Variants in BMP2K observed in about 807,000 individuals in gnomAD.
BMP2K encodes BMP2 inducible kinase, also known as BMP-2-inducible protein kinase.
BMP2K carries 74 observed loss-of-function variants against 116.0 expected under a neutral mutation model. That is an observed-to-expected ratio of 0.64 (90% CI 0.53 to 0.77). The LOEUF is 0.77. BMP2K is among the 30% of genes least tolerant of loss of function. The pLI is 0.00. For synonymous variants in BMP2K, 486 were observed against 502.5 expected (o/e 0.97, Z 0.44); for missense variants, 1,365 against 1,403.6 (o/e 0.97, Z 0.44).
At chr4:78,845,599 C>T (rs778358875) in intron 5 of BMP2K, among the ~76,000 whole-genome samples, 2 of 151,636 alleles carry the variant, frequency 1.3e-5, no homozygotes, top group Non-Finnish European at 3.0e-5. Flanking sequence ...TCTGTGGTTG[C>T]TAAAGTACCT....
chr4:78,909,614 T>C (rs1181060559), intron 15 of BMP2K, among the ~76,000 whole-genome samples: 1 of 152,186 alleles, frequency 6.6e-6, no homozygotes, highest in Admixed American at 6.5e-5. Flanking sequence ...TTGCTTTTAT[T>C]GGAAGCTGCT....
chr4:78,894,539 A>G (rs562073115), intron 15 of BMP2K, among the ~76,000 whole-genome samples: 2 of 152,284 alleles, frequency 1.3e-5, no homozygotes, highest in East Asian at 3.9e-4. Context: ...AGGATTGAAG[A>G]GAGTTAGAGC....
chr4:78,853,253 G>A (rs1731342969), intron 7 of BMP2K, among the ~76,000 whole-genome samples: 1 of 152,102 alleles, frequency 6.6e-6, no homozygotes, highest in Non-Finnish European at 1.5e-5. Context: ...TATGGTTTGT[G>A]GTTACCTAAG....
chr4:78,860,074 A>T, intron 8 of BMP2K: 1 of 513,648 alleles, frequency 1.9e-6, no homozygotes, highest in Non-Finnish European at 3.9e-6. Context: ...GAGCACTGTT[A>T]ACTGAGTAAG....
In BMP2K at chr4:78,871,874, C is replaced by A. The variant is rs1478985734; in HGVS notation, c.1534C>A (p.Gln512Lys). 5.6e-6 allele frequency: 9 copies of A among 1,613,000 alleles called. No individual in the cohort carries two copies. Among genetic ancestry groups the A allele is most frequent in the Non-Finnish European group, 7.6e-6 (9 of 1,179,434 alleles). The change falls in exon 12 of 16, where the codon CAG (glutamine) becomes AAG (lysine). Residue 512 changes from glutamine (Q) to lysine (K), a missense_variant. Gln to Lys is a moderately conservative substitution (Grantham distance 53). Around this residue, in one of 3 missense-constraint regions of BMP2K, gnomAD observed 762 missense variants for 756.7 expected, o/e 1.01. Transcript: ENST00000502613. ...QQYQHATQQQ[Q>K]MLQQQFLMHS... ...GTATCAACATGCAACACAGCAGCAA[C>A]AGATGCTTCAACAACAATTTTTAAT...
chr4:78,814,888 C>T (rs1729260491), intron 1 of BMP2K, among the ~76,000 whole-genome samples: 1 of 152,092 alleles, frequency 6.6e-6, no homozygotes, highest in Non-Finnish European at 1.5e-5. Context: ...TAGAGACTGG[C>T]ACTTTAATTT....
intron 2 of BMP2K, 116 bp from the exon 3 acceptor site, chr4:78,833,466 T>A (rs1192497141): frequency 1.5e-6 from 1 of 677,172 alleles, no homozygotes; most frequent in Non-Finnish European, 2.4e-6. Flanking sequence ...GATTCTGTAC[T>A]CATGCCTAAT....
Position 78,887,176 on chromosome 4 carries a change from A to G in BMP2K, c.1954A>G (p.Arg652Gly). ...TTCGTTTCATCTTATTTTTGCAGAT[A>G]GGCTCGAGGAGAGAGCATCCTCAGA... The part of the protein sequence containing the change: ...DREFDLLRSN[R>G]LEERASSDKN... Residue 652 changes from arginine to glycine, a missense_variant and splice_region_variant, in exon 15 of 16, where the codon AGG becomes GGG. By Grantham distance (125) the Arg-to-Gly change is moderately radical (BLOSUM62 -2). Around this residue, in one of 3 missense-constraint regions of BMP2K, gnomAD observed 596 missense variants for 623.2 expected, o/e 0.96. Transcript: ENST00000502613. 6.3e-7 allele frequency: 1 copy of G among 1,587,244 alleles called. No individual in the cohort carries two copies. Among genetic ancestry groups the G allele is most frequent in the Middle Eastern group, 1.7e-4 (1 of 6,004 alleles).
intron 1 of BMP2K, among the ~76,000 whole-genome samples, chr4:78,823,902 TC>T (rs1319555428): frequency 1.3e-5 from 2 of 152,190 alleles, no homozygotes; most frequent in African/African-American, 4.8e-5. Context: ...ATAAATTCTT[TC>T]TTTCCACATT....
At chr4:78,849,061 A>G (rs979915778) in intron 6 of BMP2K, among the ~76,000 whole-genome samples, 1 of 151,510 alleles carries the variant, frequency 6.6e-6, no homozygotes, top group African/African-American at 2.4e-5. Flanking sequence ...CATGATATTG[A>G]AGTATTTAGC....
chr4:78,874,195 A>T (rs1377221046), intron 13 of BMP2K, among the ~76,000 whole-genome samples: 1 of 152,056 alleles, frequency 6.6e-6, no homozygotes, highest in Non-Finnish European at 1.5e-5. Flanking sequence ...ACACACACAC[A>T]CACACAAAAA....
At chr4:78,838,332 C>A (rs1000764531) in intron 3 of BMP2K, among the ~76,000 whole-genome samples, 2 of 152,194 alleles carry the variant, frequency 1.3e-5, no homozygotes, top group East Asian at 3.8e-4. Flanking sequence ...ACGGACAAAC[C>A]ATGCTTTCTC....
intron 10 of BMP2K, among the ~76,000 whole-genome samples, chr4:78,869,177 G>T (rs540916517): frequency 6.6e-6 from 1 of 152,154 alleles, no homozygotes; most frequent in African/African-American, 2.4e-5. Context: ...CCAAACCTCA[G>T]TTCTTGACTT....
intron 2 of BMP2K, among the ~76,000 whole-genome samples, chr4:78,831,669 A>G (rs1159865472): frequency 6.6e-6 from 1 of 152,228 alleles, no homozygotes; most frequent in Non-Finnish European, 1.5e-5. Context: ...ATTAATGGCA[A>G]GGCATCTTTC....
At chr4:78,780,246 A>G (rs1727441231) in intron 1 of BMP2K, among the ~76,000 whole-genome samples, 1 of 152,186 alleles carries the variant, frequency 6.6e-6, no homozygotes, top group South Asian at 2.1e-4. Context: ...CTGGGAGAGC[A>G]GAGATAACTT....
chr4:78,790,167 C>T (rs1727929308), intron 1 of BMP2K, among the ~76,000 whole-genome samples: 1 of 152,076 alleles, frequency 6.6e-6, no homozygotes, highest in South Asian at 2.1e-4. Context: ...TTTTATGATA[C>T]ATTTGGCATA....
At chr4:78,778,698 C>T (rs190453280) in intron 1 of BMP2K, among the ~76,000 whole-genome samples, 203 of 152,318 alleles carry the variant, frequency 1.3e-3, no homozygotes, top group Admixed American at 3.9e-3. Flanking sequence ...TTAATATCCC[C>T]TCTCCCTTCC....
At chr4:78,838,788 A>C (rs555434149) in intron 3 of BMP2K, among the ~76,000 whole-genome samples, 1 of 152,194 alleles carries the variant, frequency 6.6e-6, no homozygotes, top group Non-Finnish European at 1.5e-5. Context: ...TTAGGTATTC[A>C]ATGTTTACCA....
At chr4:78,860,105 A>T in intron 8 of BMP2K, 1 of 512,756 alleles carries the variant, frequency 2.0e-6, no homozygotes, top group Admixed American at 2.0e-5. Flanking sequence ...TTTGGTATAA[A>T]GAGCACAGGC....
Sources: allele counts gnomAD v4.1 joint callset (sites outside exome capture counted in the v4.1 genomes callset), GRCh38; gene constraint gnomAD v4.1.1; regional missense constraint gnomAD v4.1.1; transcripts MANE v1.5; gene names NCBI Gene and HGNC (gene_info 2026-07-23, HGNC 2026-07-21).